Variants in IQSEC1 observed in about 807,000 individuals in gnomAD.
IQSEC1 encodes IQ motif and SEC7 domain-containing protein 1.
Under a neutral mutation model 91.0 loss-of-function variants are expected in IQSEC1, and 31 were observed. The observed-to-expected ratio is 0.34, with a 90% CI of 0.26 to 0.46. The LOEUF is 0.46. Among genes scored for constraint, IQSEC1 ranks in the 20% least tolerant of loss-of-function variants. The pLI, the probability that IQSEC1 is intolerant of heterozygous loss-of-function variation, is 1.00. For missense variants in IQSEC1, 1,388 were observed against 1,575.6 expected, an observed-to-expected ratio of 0.88 and a Z score of 2.02; for synonymous variants, 699 against 662.6, an observed-to-expected ratio of 1.05 and a Z score of -0.84.
intron 6 of IQSEC1, among the ~76,000 whole-genome samples, chr3:12,916,962 G>A (rs1227869304): frequency 6.6e-6 from 1 of 152,228 alleles, no homozygotes; most frequent in Non-Finnish European, 1.5e-5. Context: ...CAACTAGGGG[G>A]CACAGCCAGG....
At chr3:13,053,384 C>T (rs1704763686) in intron 1 of IQSEC1, among the ~76,000 whole-genome samples, 1 of 152,220 alleles carries the variant, frequency 6.6e-6, no homozygotes, top group Admixed American at 6.5e-5. Context: ...AACCCATTCG[C>T]TGCTGTAAGA....
intron 2 of IQSEC1, among the ~76,000 whole-genome samples, chr3:13,110,172 G>A (rs1443235986): frequency 1.3e-5 from 2 of 152,054 alleles, no homozygotes; most frequent in East Asian, 3.9e-4. Context: ...GTGAGCCACG[G>A]TACCCGGCTG....
At chr3:13,048,196 A>C (rs2125057229) in intron 1 of IQSEC1, among the ~76,000 whole-genome samples, 1 of 152,336 alleles carries the variant, frequency 6.6e-6, no homozygotes, top group South Asian at 2.1e-4. Context: ...AAATGGGAGT[A>C]GGAAAAGCAG....
chr3:13,010,344 A>G (rs774811957), intron 1 of IQSEC1, among the ~76,000 whole-genome samples: 10 of 152,180 alleles, frequency 6.6e-5, no homozygotes, highest in Non-Finnish European at 8.8e-5. Flanking sequence ...CCAGGGGTGA[A>G]TGCAGTACCG....
chr3:13,147,698 T>G (rs1706920662), intron 2 of IQSEC1, among the ~76,000 whole-genome samples: 1 of 152,228 alleles, frequency 6.6e-6, no homozygotes. Context: ...AGTGGTGCAC[T>G]CTCAGCTCAC....
At chr3:13,109,986 G>A (rs966133612) in intron 2 of IQSEC1, among the ~76,000 whole-genome samples, 7 of 149,872 alleles carry the variant, frequency 4.7e-5, no homozygotes, top group Admixed American at 1.3e-4. Flanking sequence ...AGGTTCAAGC[G>A]ATTCTCCTGC....
intron 2 of IQSEC1, among the ~76,000 whole-genome samples, chr3:13,089,863 A>G (rs1199203221): frequency 6.6e-6 from 1 of 152,186 alleles, no homozygotes; most frequent in Non-Finnish European, 1.5e-5. Context: ...TATTGTGGGG[A>G]TGGTTGTGCA....
At chr3:12,938,777 C>T (rs565509554) in intron 2 of IQSEC1, among the ~76,000 whole-genome samples, 10 of 152,146 alleles carry the variant, frequency 6.6e-5, no homozygotes, top group South Asian at 2.1e-4. Context: ...CTCCGGACCT[C>T]GCAGACCACG....
chr3:13,080,385 C>T (rs1056809852), intron 2 of IQSEC1, among the ~76,000 whole-genome samples: 1 of 152,058 alleles, frequency 6.6e-6, no homozygotes, highest in Non-Finnish European at 1.5e-5. Context: ...ACCTGCTCGT[C>T]GACTGGGTGG....
At position 12,992,883 on chromosome 3, in the gene IQSEC1, C is replaced by T. The variant is rs1702050981; in HGVS notation, c.24-51018G>A. 2.0e-5 allele frequency among the ~76,000 whole-genome samples: 3 copies of T among 152,188 alleles called. No individual in the cohort carries two copies. The South Asian group carries it at 6.2e-4, about 31-fold the overall frequency. On this transcript the variant is annotated intron_variant, in intron 1 of 13. Transcript: ENST00000613206. The surrounding 1 kb of genome is among the most constrained non-coding windows in gnomAD (Gnocchi z 4.1). ...TGGCAGAAACATGGGAGGGGAAGTT[C>T]CCCAGGACTATTAGGGGTGGGGAGA...
intron 6 of IQSEC1, among the ~76,000 whole-genome samples, chr3:12,916,102 AGTATAGGGAGGCTGGG>A (rs1696065148): frequency 6.6e-6 from 1 of 152,080 alleles, no homozygotes; most frequent in Admixed American, 6.6e-5. Flanking sequence ...GGGAGGCTGG[AGTATAGGGAGGCTGGG>A]GTTTGTTTGG....
chr3:13,198,788 C>T (rs1353920567), intron 1 of IQSEC1, among the ~76,000 whole-genome samples: 3 of 152,210 alleles, frequency 2.0e-5, no homozygotes, highest in African/African-American at 4.8e-5. Flanking sequence ...CAGCAAGGCA[C>T]GTGGGAGCTG....
intron 1 of IQSEC1, among the ~76,000 whole-genome samples, chr3:13,170,255 T>C (rs1358387429): frequency 6.6e-6 from 1 of 152,242 alleles, no homozygotes; most frequent in African/African-American, 2.4e-5. Flanking sequence ...GCATTGAGCC[T>C]GAGGGTACAC....
intron 2 of IQSEC1, among the ~76,000 whole-genome samples, chr3:13,149,372 C>A (rs2124955645): frequency 6.9e-6 from 1 of 144,616 alleles, no homozygotes; most frequent in African/African-American, 2.5e-5. Flanking sequence ...CTCCCCAGGC[C>A]ATTCCACTCA....
Position 12,899,931 on chromosome 3 carries a change from C to T in IQSEC1, c.*1052G>A, listed in dbSNP as rs911268049. The T allele has an allele frequency of 3.1e-5, 31 of 985,142 alleles. No individual in the cohort carries two copies. The highest frequency in any genetic ancestry group is 3.6e-5 in the Non-Finnish European group (30 of 829,876). 61.0% of individuals were successfully genotyped at this position (985,142 alleles called of 1,614,324 possible). On this transcript the variant is annotated 3_prime_UTR_variant, in exon 14 of 14. Transcript: ENST00000613206. ...GTATGGGTGCCCCTCTCGGAGGACT[C>T]TGAATGAGTGTGCGTCAAATCATAT...
rs11916228 is a variant in IQSEC1, at chr3:13,260,381, C to A, written c.272+22330G>T. Among the ~76,000 whole-genome samples the A allele has an allele frequency of 2.7e-3, 408 of 152,294 alleles. 2 individuals are homozygous for A. Among genetic ancestry groups the A allele is most frequent in the African/African-American group, 9.0e-3 (374 of 41,548 alleles). On this transcript the variant is annotated intron_variant, in intron 1 of 15. Coordinates refer to the IQSEC1 transcript ENST00000648114. ...TATGCAGTGATGCAGAAACGCAGAT[C>A]AATACACGACGGGCTGATGTGCAAC...
intron 1 of IQSEC1, among the ~76,000 whole-genome samples, chr3:13,200,260 A>G (rs915064714): frequency 5.3e-5 from 8 of 151,388 alleles, no homozygotes; most frequent in African/African-American, 1.9e-4. Flanking sequence ...CAACACACAC[A>G]CACACACACA....
intron 1 of IQSEC1, among the ~76,000 whole-genome samples, chr3:13,228,480 G>A (rs1336808874): frequency 5.3e-5 from 8 of 152,362 alleles, no homozygotes; most frequent in Middle Eastern, 6.8e-3. Context: ...CACCAAATGC[G>A]TGGTGAATGG....
Position 12,913,568 on chromosome 3 carries a change from G to C in IQSEC1, c.2191-15C>G, listed in dbSNP as rs1458512771. 3 of 1,597,760 alleles carry C rather than the reference G, an allele frequency of 1.9e-6. No homozygotes were observed. The highest frequency in any genetic ancestry group is 2.3e-5 in the East Asian group (1 of 44,040). ...AGAGAGAGCACCTGTGTGGGAAGAG[G>C]CTGTCCTGCCACGGCCGCCCAGCTC... On this transcript the variant is annotated splice_polypyrimidine_tract_variant and intron_variant, in intron 8 of 13. Coordinates refer to ENST00000613206, the MANE Select transcript of IQSEC1 (RefSeq NM_001134382.3).
Sources: allele counts gnomAD v4.1 joint callset (sites outside exome capture counted in the v4.1 genomes callset), GRCh38; gene constraint gnomAD v4.1.1; non-coding constraint Gnocchi (gnomAD v3.1); transcripts MANE v1.5; gene names NCBI Gene and HGNC (gene_info 2026-07-23, HGNC 2026-07-21).